SEC14L2: variants seen among roughly 807,000 people sequenced by gnomAD.
The protein encoded by SEC14L2 is SEC14-like protein 2.
Under a neutral mutation model 56.9 loss-of-function variants are expected in SEC14L2, and 50 were observed. The ratio of observed to expected loss-of-function variants is 0.88; its 90% CI spans 0.70 to 1.11. The LOEUF (loss-of-function observed/expected upper bound fraction) is 1.11. Ranked by LOEUF, SEC14L2 falls within the 50% of genes most tolerant of loss-of-function variation. The pLI is 0.00. For missense variants in SEC14L2, 414 were observed against 500.7 expected (o/e 0.83, Z 1.65); for synonymous variants, 179 against 188.5 (o/e 0.95, Z 0.41).
chr22:30,397,298 C>T, intron 1 of SEC14L2, 128 bp downstream of exon 1: 1 of 859,346 alleles, frequency 1.2e-6, no homozygotes, highest in East Asian at 3.2e-5. Flanking sequence ...ACAGAGGCGG[C>T]TGTCCCAGCC....
intron 8 of SEC14L2, among the ~76,000 whole-genome samples, chr22:30,413,016 G>A (rs756699075): frequency 3.9e-5 from 6 of 152,148 alleles, no homozygotes; most frequent in Non-Finnish European, 7.4e-5. Context: ...GCTTGAAGTT[G>A]AGCTTGAGGA....
At chr22:30,398,222 G>A (rs1933814716) in intron 1 of SEC14L2, among the ~76,000 whole-genome samples, 1 of 152,246 alleles carries the variant, frequency 6.6e-6, no homozygotes, top group Non-Finnish European at 1.5e-5. Flanking sequence ...GAGAGGTCAG[G>A]CAGAGAAGGG....
At chr22:30,411,761 A>AAAAG (rs1555997934) in intron 8 of SEC14L2, among the ~76,000 whole-genome samples, 1 of 142,720 alleles carries the variant, frequency 7.0e-6, no homozygotes, top group Non-Finnish European at 1.5e-5. Flanking sequence ...AAAAAAAAAA[A>AAAAG]GGGGTCCCTT....
intron 11 of SEC14L2, among the ~76,000 whole-genome samples, chr22:30,418,589 C>A (rs528842425): frequency 6.6e-6 from 1 of 152,340 alleles, no homozygotes; most frequent in African/African-American, 2.4e-5. Context: ...GATACATTCC[C>A]AACCAGAACC....
At position 30,406,392 on chromosome 22, in the gene SEC14L2, C is replaced by T; in HGVS notation, c.174+7C>T. On this transcript the variant is annotated splice_region_variant and intron_variant, in intron 3 of 11. Coordinates refer to ENST00000615189, the MANE Select transcript of SEC14L2 (RefSeq NM_012429.5). ...GGAGGCCATGCTCCGGAAGGTGAGA[C>T]ACATTTGGCTGTTGCTTCAGTTCCT... 1 of 1,614,084 alleles carries T rather than the reference C, an allele frequency of 6.2e-7. No individual in the cohort carries two copies. Among genetic ancestry groups the T allele is most frequent in the Non-Finnish European group, 8.5e-7 (1 of 1,179,948 alleles).
At chr22:30,409,766 G>A (rs1418841143) in intron 7 of SEC14L2, among the ~76,000 whole-genome samples, 1 of 152,162 alleles carries the variant, frequency 6.6e-6, no homozygotes, top group Non-Finnish European at 1.5e-5. Context: ...TGGGTATGGT[G>A]GTGCATGCCT....
intron 2 of SEC14L2, among the ~76,000 whole-genome samples, chr22:30,406,079 C>G (rs1372886556): frequency 2.0e-5 from 3 of 152,078 alleles, no homozygotes; most frequent in Non-Finnish European, 4.4e-5. Context: ...TGGAGTAAAG[C>G]TCTCTTGACC....
At position 30,424,279 on chromosome 22, in the gene SEC14L2, G is replaced by A. The variant is rs1934609409; in HGVS notation, c.*1872G>A. On this transcript the variant is annotated 3_prime_UTR_variant, in exon 12 of 12. Transcript: ENST00000615189. ...TGTCTAATAATTCCACGCCAGCATT[G>A]CCGGTGTTTCAGGGGGTGGGAACCG... 6.1e-6 allele frequency: 1 copy of A among 163,572 alleles called. No homozygotes were observed. Among genetic ancestry groups the A allele is most frequent in the Non-Finnish European group, 1.4e-5 (1 of 73,564 alleles). The allele number at this position is 163,572 out of a possible 1,614,324, so 10.1% of individuals were successfully genotyped here. A position where few individuals can be genotyped will look rare whatever the true frequency, so the allele number is the denominator to read the frequency against.
chr22:30,409,341 T>C (rs1934186840), intron 6 of SEC14L2, 59 bp downstream of exon 6: 2 of 1,601,634 alleles, frequency 1.2e-6, no homozygotes, highest in Non-Finnish European at 1.7e-6. Context: ...AGTAGACCCC[T>C]CTCCTAGGCT....
At chr22:30,416,115 C>T in intron 10 of SEC14L2, 28 bp downstream of exon 10, 1 of 1,613,548 alleles carries the variant, frequency 6.2e-7, no homozygotes, top group Admixed American at 1.7e-5. Flanking sequence ...TCCAGGAGAC[C>T]CGAGCTTTCA....
chr22:30,397,044 C>A lies in SEC14L2; in HGVS notation c.-73C>A. The stretch of plus-strand genomic sequence containing the variant: ...ACTTTACTCCGGGTGGCGGCGAGGA[C>A]GAGTCTGTGCTCCATCAGCTGCCGC... On this transcript the variant is annotated 5_prime_UTR_variant, in exon 1 of 12. Transcript: ENST00000615189. 1 of 1,350,762 alleles carries A rather than the reference C, an allele frequency of 7.4e-7. No homozygotes were observed. Among genetic ancestry groups the A allele is most frequent in the South Asian group, 1.3e-5 (1 of 79,922 alleles). The allele number at this position is 1,350,762 out of a possible 1,614,324, so 83.7% of individuals were successfully genotyped here. A position where few individuals can be genotyped will look rare whatever the true frequency, so the allele number is the denominator to read the frequency against.
intron 2 of SEC14L2, among the ~76,000 whole-genome samples, chr22:30,405,058 G>T (rs183692113): frequency 6.7e-6 from 1 of 148,528 alleles, no homozygotes; most frequent in Non-Finnish European, 1.5e-5. Flanking sequence ...TGACAAGAGC[G>T]AAATTGTCTC....
chr22:30,406,445 C>T, intron 3 of SEC14L2, 60 bp downstream of exon 3: 1 of 1,549,648 alleles, frequency 6.5e-7, no homozygotes, highest in African/African-American at 1.4e-5. Flanking sequence ...CTTGCGTGGA[C>T]TTCTTTTGCC....
chr22:30,398,654 C>A, intron 1 of SEC14L2: 1 of 467,084 alleles, frequency 2.1e-6, no homozygotes, highest in Non-Finnish European at 4.5e-6. Flanking sequence ...CTCTCTCCCC[C>A]GCTGCCTTTG....
At chr22:30,412,840 C>CAAAAAAACAAA (rs1389076723) in intron 8 of SEC14L2, among the ~76,000 whole-genome samples, 1 of 119,176 alleles carries the variant, frequency 8.4e-6, no homozygotes, top group Non-Finnish European at 1.7e-5. Context: ...AAAAAACAAA[C>CAAAAAAACAAA]AAAAAAACAA....
chr22:30,422,354 G>C lies in SEC14L2; in HGVS notation c.1159G>C (p.Asp387His), dbSNP rs1473319672. Reference protein sequence around the residue: ...VNFTVEVLLPDKASEEKMKQL... With the variant: ...VNFTVEVLLPHKASEEKMKQL... Reference sequence around the variant, plus strand: ...TTTCACTGTGGAGGTCCTGCTTCCAGACAAAGCCTCAGAAGAGAAGATGAA... The same window carrying C: ...TTTCACTGTGGAGGTCCTGCTTCCACACAAAGCCTCAGAAGAGAAGATGAA... Residue 387 changes from aspartate to histidine, a missense_variant, in exon 12 of 12, where the codon GAC becomes CAC. Asp to His is a moderately conservative substitution (Grantham distance 81). Coordinates refer to ENST00000615189, the MANE Select transcript of SEC14L2 (RefSeq NM_012429.5). 1.9e-6 allele frequency: 3 copies of C among 1,614,196 alleles called. No individual in the cohort carries two copies. Among genetic ancestry groups the C allele is most frequent in the South Asian group, 1.1e-5 (1 of 91,088 alleles).
chr22:30,410,591 T>A lies in SEC14L2; in HGVS notation c.581-5T>A. ...CAGCCTCACATTATCTGGTCTCTGT[T>A]CCAGCCCCCAAACTGTTTCCTGTGG... On this transcript the variant is annotated splice_region_variant and splice_polypyrimidine_tract_variant and intron_variant, in intron 7 of 11. Transcript: ENST00000615189. 6.2e-7 allele frequency: 1 copy of A among 1,613,988 alleles called. No homozygotes were observed. The highest frequency in any genetic ancestry group is 1.3e-5 in the African/African-American group (1 of 75,058).
intron 7 of SEC14L2, 94 bp downstream of exon 7, chr22:30,409,580 A>AG (rs1934194303): frequency 2.6e-6 from 3 of 1,144,092 alleles, no homozygotes; most frequent in Non-Finnish European, 4.0e-6. Flanking sequence ...GAGCCAAAAG[A>AG]GGGGGTCTGA....
intron 11 of SEC14L2, among the ~76,000 whole-genome samples, chr22:30,419,563 AAG>A (rs970319406): frequency 6.6e-6 from 1 of 152,122 alleles, no homozygotes; most frequent in South Asian, 2.1e-4. Context: ...CAACAACAAA[AAG>A]AGAGGAGTAG....
Sources: allele counts gnomAD v4.1 joint callset (sites outside exome capture counted in the v4.1 genomes callset), GRCh38; gene constraint gnomAD v4.1.1; transcripts MANE v1.5; gene names NCBI Gene and HGNC (gene_info 2026-07-23, HGNC 2026-07-21).